STAU1: variants seen among roughly 807,000 people sequenced by gnomAD.
STAU1 encodes double-stranded RNA-binding protein Staufen homolog 1.
In STAU1, 13 loss-of-function variants were observed where a neutral mutation model predicts 62.9. That is an observed-to-expected ratio of 0.21 (90% CI 0.13 to 0.33). The LOEUF is 0.33. Ranked by LOEUF, STAU1 falls within the 10% of genes least tolerant of loss-of-function variation. STAU1 has a pLI of 1.00. For missense variants in STAU1, 571 were observed against 712.1 expected (o/e 0.80, Z 2.25); for synonymous variants, 269 against 265.1 (o/e 1.01, Z -0.14).
the STAU1 span, among the ~76,000 whole-genome samples, chr20:49,205,869 T>C: frequency 1.3e-5 from 2 of 151,042 alleles, no homozygotes; most frequent in Admixed American, 6.7e-5. Flanking sequence ...AGACGGGGTT[T>C]CTCCATGTTG....
intron 1 of STAU1, among the ~76,000 whole-genome samples, chr20:49,185,440 G>A (rs1889381240): frequency 6.6e-6 from 1 of 152,214 alleles, no homozygotes; most frequent in African/African-American, 2.4e-5. Context: ...TGGATCAAGA[G>A]TTAATTTTCT....
At chr20:49,129,637 T>A (rs2092710001) in intron 6 of STAU1, among the ~76,000 whole-genome samples, 1 of 144,276 alleles carries the variant, frequency 6.9e-6, no homozygotes, top group Non-Finnish European at 1.5e-5. Flanking sequence ...CAACTTTTTT[T>A]TTTTTTTTTT....
Position 49,120,013 on chromosome 20 carries a change from G to A in STAU1, c.1082C>T (p.Pro361Leu). The change falls in exon 9 of 14, where the codon CCC becomes CTC. Residue 361 changes from proline to leucine, a missense_variant. Pro to Leu is a moderately conservative substitution (Grantham distance 98). Transcript: ENST00000371856. ...CTCTGACTTGAGTGCGGGTTTGGTGGGCTGCGCCTGCGGGACTTTGAAACC... is the reference window on the plus strand; with the variant it reads ...CTCTGACTTGAGTGCGGGTTTGGTGAGCTGCGCCTGCGGGACTTTGAAACC... ...ILGFKVPQAQ[P>L]TKPALKSEEK... is the part of the protein sequence containing the mutation. The A allele has an allele frequency of 6.2e-7, 1 of 1,614,176 alleles. No homozygotes were observed. Among genetic ancestry groups the A allele is most frequent in the Non-Finnish European group, 8.5e-7 (1 of 1,180,032 alleles).
intron 3 of STAU1, among the ~76,000 whole-genome samples, chr20:49,165,182 C>A (rs2093506352): frequency 6.6e-6 from 1 of 151,856 alleles, no homozygotes; most frequent in African/African-American, 2.4e-5. Flanking sequence ...ATAGCTGGGA[C>A]TACAGGCACG....
intron 3 of STAU1, among the ~76,000 whole-genome samples, chr20:49,164,786 AAAG>A (rs1432306985): frequency 5.3e-5 from 8 of 152,110 alleles, no homozygotes. Flanking sequence ...ATAAGAAAGG[AAAG>A]AAGAGAAAAA....
chr20:49,197,832 A>C, the STAU1 span, among the ~76,000 whole-genome samples: 1 of 151,884 alleles, frequency 6.6e-6, no homozygotes, highest in African/African-American at 2.4e-5. Flanking sequence ...CAGCCTCCCA[A>C]GTAGCTGGGA....
At chr20:49,182,838 CAAAA>C (rs1180599599) in intron 1 of STAU1, among the ~76,000 whole-genome samples, 2 of 58,920 alleles carry the variant, frequency 3.4e-5, no homozygotes, top group Admixed American at 1.8e-4. Flanking sequence ...GACTCCGTCT[CAAAA>C]AAAAAAAAAA....
chr20:49,173,913 C>T (rs1416629444), intron 2 of STAU1, among the ~76,000 whole-genome samples: 2 of 152,106 alleles, frequency 1.3e-5, no homozygotes, highest in Non-Finnish European at 2.9e-5. Context: ...GATACTATGA[C>T]CAAGAAGCTT....
Position 49,154,107 on chromosome 20 carries a change from T to C in STAU1, c.206-36A>G, listed in dbSNP as rs111256324. ...GAATCGACAAAGAACTGTTTTTTTC[T>C]GGTATGAGAATGATACTCACTAAAA... On this transcript the variant is annotated intron_variant, in intron 3 of 13. Transcript: ENST00000371856. The C allele has an allele frequency of 2.2e-3, 3,401 of 1,577,592 alleles. 70 individuals carry two copies. In the African/African-American group the frequency reaches 0.041, roughly 19 times the overall value.
At chr20:49,146,267 A>T (rs2093129882) in intron 5 of STAU1, among the ~76,000 whole-genome samples, 1 of 152,218 alleles carries the variant, frequency 6.6e-6, no homozygotes, top group African/African-American at 2.4e-5. Context: ...CACCATCTCA[A>T]GAAAATAAAT....
Position 49,154,071 on chromosome 20 carries a change from T to C in STAU1, c.206A>G (p.Glu69Gly). 1 of 1,590,758 alleles carries C rather than the reference T, an allele frequency of 6.3e-7. No homozygotes were observed. Among genetic ancestry groups the C allele is most frequent in the African/African-American group, 1.4e-5 (1 of 73,496 alleles). Residue 69 changes from glutamate (E) to glycine (G), a missense_variant and splice_region_variant, in exon 4 of 14, where the codon GAA (glutamate) becomes GGA (glycine). Physicochemically the swap from Glu to Gly is moderately conservative, Grantham distance 98. Coordinates refer to ENST00000371856, the MANE Select transcript of STAU1 (RefSeq NM_017453.4). ...TAGTTCTACAGTAGGGGTTATGCTT[T>C]CTGCAAGAAAGAATCGACAAAGAAC... ...ASITSTSAAA[E>G]SITPTVELNA...
chr20:49,159,161 A>AG (rs1555857609), intron 3 of STAU1: 148 of 1,081,990 alleles, frequency 1.4e-4, no homozygotes, highest in Non-Finnish European at 1.7e-4. Context: ...AAAAAAAAAA[A>AG]CACACAAAGT....
At chr20:49,182,997 T>C (rs554446686) in intron 1 of STAU1, among the ~76,000 whole-genome samples, 1 of 152,178 alleles carries the variant, frequency 6.6e-6, no homozygotes, top group African/African-American at 2.4e-5. Flanking sequence ...TAAATAACCA[T>C]AGCAACTAAC....
chr20:49,119,977 C>G lies in STAU1; in HGVS notation c.1113+5G>C, dbSNP rs1413738964. On this transcript the variant is annotated splice_donor_5th_base_variant and intron_variant, in intron 9 of 13. Transcript: ENST00000371856. ...TCTTGCAATCAGAGAGCCCACAGCA[C>G]TCACCTTCTCCTCTGACTTGAGTGC... 2.5e-6 allele frequency: 4 copies of G among 1,613,690 alleles called. No homozygotes were observed. The highest frequency in any genetic ancestry group is 1.1e-5 in the South Asian group (1 of 91,040).
In STAU1 at chr20:49,183,932, C is replaced by CTTT. The variant is rs543110400; in HGVS notation, c.-160+4181_-160+4183dup. Reference sequence around the variant, plus strand: ...TGAAATAAATGTGAAGTATACATGCCTTTTTTTTTTTTTTGAGAAGTACTT... The same window carrying CTTT: ...TGAAATAAATGTGAAGTATACATGCCTTTTTTTTTTTTTTTTTGAGAAGTACTT... On this transcript the variant is annotated intron_variant, in intron 1 of 13. Coordinates refer to ENST00000371856, the MANE Select transcript of STAU1 (RefSeq NM_017453.4). 4.7e-3 allele frequency among the ~76,000 whole-genome samples: 673 copies of CTTT among 142,780 alleles called. 5 individuals are homozygous for CTTT. Among genetic ancestry groups the CTTT allele is most frequent in the African/African-American group, 0.016 (628 of 39,044 alleles). 93.7% of individuals were successfully genotyped at this position (142,780 alleles called of 152,430 possible). A position where few individuals can be genotyped will look rare whatever the true frequency, so the allele number is the denominator to read the frequency against.
chr20:49,161,609 G>A (rs1418926641), intron 3 of STAU1, among the ~76,000 whole-genome samples: 2 of 152,156 alleles, frequency 1.3e-5, no homozygotes, highest in Non-Finnish European at 2.9e-5. Flanking sequence ...TACTCAAGCT[G>A]GATCTTGCTG....
chr20:49,219,252 C>G, the STAU1 span: 1 of 1,251,446 alleles, frequency 8.0e-7, no homozygotes, highest in Non-Finnish European at 1.1e-6. Flanking sequence ...AGCTCCGCCC[C>G]TTGATGGCGT....
rs2093523964 is a variant in STAU1 at position 49,166,207 on chromosome 20, CTT to C, written c.-8_-7del. 2 of 1,613,898 alleles carry C rather than the reference CTT, an allele frequency of 1.2e-6. No homozygotes were observed. Among genetic ancestry groups the C allele is most frequent in the Admixed American group, 3.3e-5 (2 of 59,990 alleles). On this transcript the variant is annotated 5_prime_UTR_variant, in exon 3 of 14. Coordinates refer to ENST00000371856, the MANE Select transcript of STAU1 (RefSeq NM_017453.4). ...TGCACTTGAACTTGAGACATGGTCA[CTT>C]TCAACAAAAGTGAACAAATGCAGGT...
the STAU1 span, among the ~76,000 whole-genome samples, chr20:49,202,092 T>C: frequency 2.0e-5 from 3 of 149,028 alleles, no homozygotes; most frequent in East Asian, 5.9e-4. Flanking sequence ...TGGTGGTGGG[T>C]GCCTGTAGTC....
Sources: allele counts gnomAD v4.1 joint callset (sites outside exome capture counted in the v4.1 genomes callset), GRCh38; gene constraint gnomAD v4.1.1; transcripts MANE v1.5; gene names NCBI Gene and HGNC (gene_info 2026-07-23, HGNC 2026-07-21).